LRTM3: variants seen among roughly 807,000 people sequenced by gnomAD.
LRTM3 encodes the protein leucine-rich repeat transmembrane protein 3.
At chr13:102,735,522 T>A in the LRTM3 span, 2 of 1,551,152 alleles carry the variant, frequency 1.3e-6, no homozygotes, top group Non-Finnish European at 1.7e-6. Flanking sequence ...TCTTCCTGAA[T>A]CTTTCTCTTT....
At chr13:102,734,728 A>G in the LRTM3 span, 8 of 1,550,962 alleles carry the variant, frequency 5.2e-6, no homozygotes, top group African/African-American at 8.2e-5. Flanking sequence ...GCATTTCATT[A>G]CCTAAATGTG....
chr13:102,751,294 A>G, the LRTM3 span, among the ~76,000 whole-genome samples: 4 of 150,980 alleles, frequency 2.6e-5, no homozygotes, highest in African/African-American at 9.8e-5. Context: ...AGTCACCACA[A>G]TTGCTTAAGC....
the LRTM3 span, chr13:102,735,896 T>C: frequency 2.6e-6 from 4 of 1,538,512 alleles, no homozygotes; most frequent in Non-Finnish European, 3.5e-6. Context: ...TCCAGGTTCC[T>C]TTTTGCTTTC....
At chr13:102,742,741 T>C in the LRTM3 span, 6 of 1,550,694 alleles carry the variant, frequency 3.9e-6, no homozygotes, top group Admixed American at 1.2e-4. Flanking sequence ...CCATTTTAAG[T>C]CTGCCATTCT....
chr13:102,749,991 G>C, the LRTM3 span: 1 of 1,550,460 alleles, frequency 6.4e-7, no homozygotes, highest in Non-Finnish European at 8.7e-7. Context: ...AAGTGGGCAA[G>C]AGGGCAAGGT....
chr13:102,737,067 T>C, the LRTM3 span: 1 of 1,551,160 alleles, frequency 6.4e-7, no homozygotes, highest in Non-Finnish European at 8.7e-7. Flanking sequence ...AGTACTTCTC[T>C]AGTTTTTGAG....
the LRTM3 span, chr13:102,744,433 A>AATC: frequency 1.3e-6 from 2 of 1,550,322 alleles, no homozygotes; most frequent in Non-Finnish European, 1.7e-6. Flanking sequence ...GTATTGAACC[A>AATC]ATCTTTGATT....
At chr13:102,750,349 A>C in the LRTM3 span, 2 of 1,524,550 alleles carry the variant, frequency 1.3e-6, no homozygotes, top group African/African-American at 2.8e-5. Flanking sequence ...CTTCAGATGT[A>C]AGTGATGAAG....
At chr13:102,740,709 G>A in the LRTM3 span, 138 of 1,548,116 alleles carry the variant, frequency 8.9e-5, no homozygotes, top group African/African-American at 1.7e-3. Flanking sequence ...GTTTTGGAGT[G>A]AGATGCAGGC....
the LRTM3 span, chr13:102,730,780 A>C: frequency 6.4e-7 from 1 of 1,551,598 alleles, no homozygotes; most frequent in Non-Finnish European, 8.7e-7. Flanking sequence ...TGGGAAGTAC[A>C]TTTGGCTTAG....
the LRTM3 span, chr13:102,732,785 C>A: frequency 2.6e-6 from 4 of 1,551,154 alleles, no homozygotes; most frequent in Non-Finnish European, 2.6e-6. Flanking sequence ...TCTGTTTGTG[C>A]CTATTTTTAA....
At chr13:102,734,961 C>T in the LRTM3 span, 8 of 1,551,134 alleles carry the variant, frequency 5.2e-6, no homozygotes, top group Non-Finnish European at 7.0e-6. Context: ...ATACATGTGC[C>T]TCCCTCAGTA....
the LRTM3 span, chr13:102,740,741 T>C: frequency 2.6e-6 from 4 of 1,548,834 alleles, no homozygotes; most frequent in East Asian, 2.4e-5. Context: ...CTTGTATGTA[T>C]ATTTTTCTTC....
At chr13:102,731,331 T>A in the LRTM3 span, 1 of 1,551,444 alleles carries the variant, frequency 6.4e-7, no homozygotes. Context: ...AACCTCCAAC[T>A]GTTATCTTTT....
At chr13:102,755,959 A>T in the LRTM3 span, among the ~76,000 whole-genome samples, 80 of 70,292 alleles carry the variant, frequency 1.1e-3, 1 homozygote, top group African/African-American at 4.5e-3. Flanking sequence ...ATATATATAT[A>T]TATTTTTTTT....
the LRTM3 span, chr13:102,736,616 G>C: frequency 6.4e-7 from 1 of 1,551,032 alleles, no homozygotes; most frequent in Non-Finnish European, 8.7e-7. Flanking sequence ...AAAAGGACAA[G>C]TTTTGCTCAG....
chr13:102,755,216 C>A, the LRTM3 span, among the ~76,000 whole-genome samples: 1 of 149,580 alleles, frequency 6.7e-6, no homozygotes, highest in Admixed American at 6.7e-5. Flanking sequence ...CTCCTCTCTG[C>A]CCCCCCAGCT....
chr13:102,730,752 T>C, the LRTM3 span: 2 of 1,551,740 alleles, frequency 1.3e-6, no homozygotes, highest in South Asian at 2.4e-5. Context: ...ACTGCAATTG[T>C]GTTTAACTTA....
the LRTM3 span, among the ~76,000 whole-genome samples, chr13:102,753,440 C>T: frequency 6.7e-6 from 1 of 150,246 alleles, no homozygotes; most frequent in African/African-American, 2.5e-5. Context: ...ACATGTATAC[C>T]TATGTAACAA....
Sources: allele counts gnomAD v4.1 joint callset (sites outside exome capture counted in the v4.1 genomes callset), GRCh38; gene constraint gnomAD v4.1.1; transcripts MANE v1.5; gene names NCBI Gene and HGNC (gene_info 2026-07-23, HGNC 2026-07-21).